CCDC47: variants seen among roughly 807,000 people sequenced by gnomAD.
The protein encoded by CCDC47 is PAT complex subunit CCDC47.
Under a neutral mutation model 60.5 loss-of-function variants are expected in CCDC47, and 41 were observed. The observed-to-expected ratio is 0.68, with a 90% confidence interval of 0.53 to 0.88. CCDC47 has a LOEUF of 0.88. CCDC47 is among the 40% of genes least tolerant of loss of function. CCDC47 has a pLI of 0.00. For missense variants in CCDC47, 513 were observed against 580.9 expected, an observed-to-expected ratio of 0.88 and a Z score of 1.20; for synonymous variants, 195 against 190.7, an observed-to-expected ratio of 1.02 and a Z score of -0.18.
At position 63,766,160 on chromosome 17, in the gene CCDC47, T is replaced by C. The variant is rs1437818643; in HGVS notation, c.16A>G (p.Thr6Ala). ...AACACCAGAAGGACAACACAGAAAG[T>C]GTGGAAGGCTTTCATTGCACCTTGA... MKAFH[T>A]FCVVLLVFGS... is the part of the protein sequence containing the mutation. The change falls in exon 2 of 13, where the codon ACT (threonine) becomes GCT (alanine). Residue 6 changes from threonine to alanine, a missense_variant. Transcript: ENST00000225726. The C allele has an allele frequency of 1.2e-6, 2 of 1,607,974 alleles. No individual in the cohort carries two copies. Among genetic ancestry groups the C allele is most frequent in the Admixed American group, 3.4e-5 (2 of 58,536 alleles).
Position 63,745,825 on chromosome 17 carries a change from G to A in CCDC47, c.*1056C>T, listed in dbSNP as rs1411486660. The A allele has an allele frequency of 6.6e-6, 1 of 152,222 alleles. No individual in the cohort carries two copies. The highest frequency in any genetic ancestry group is 6.5e-5 in the Admixed American group (1 of 15,278). The allele number at this position is 152,222 out of a possible 1,614,324, so 9.4% of individuals were successfully genotyped here. On this transcript the variant is annotated 3_prime_UTR_variant, in exon 13 of 13. Coordinates refer to ENST00000225726, the MANE Select transcript of CCDC47 (RefSeq NM_020198.3). The stretch of plus-strand genomic sequence containing the variant: ...AAGCTAAGTGCTCGTGCAGATACAT[G>A]GGCCTCTCCTCCAAGAGTTGGTTCC...
chr17:63,760,207 C>G (rs750018988), intron 6 of CCDC47, among the ~76,000 whole-genome samples: 3 of 151,976 alleles, frequency 2.0e-5, no homozygotes, highest in Non-Finnish European at 2.9e-5. Flanking sequence ...GGAGCTTATT[C>G]GGCCAGAAAC....
intron 6 of CCDC47, among the ~76,000 whole-genome samples, chr17:63,757,535 C>A (rs1209855623): frequency 1.3e-5 from 2 of 152,118 alleles, no homozygotes; most frequent in African/African-American, 4.8e-5. Context: ...AGGACCCACT[C>A]AATACATGCT....
chr17:63,769,983 C>T (rs1276817554), intron 1 of CCDC47, among the ~76,000 whole-genome samples: 2 of 131,130 alleles, frequency 1.5e-5, no homozygotes, highest in Non-Finnish European at 3.2e-5. Flanking sequence ...TTTTTTGAGG[C>T]AGAGTCTCAC....
intron 1 of CCDC47, among the ~76,000 whole-genome samples, chr17:63,768,975 T>G (rs2039316157): frequency 6.6e-6 from 1 of 151,872 alleles, no homozygotes. Flanking sequence ...TCCCAGCTAC[T>G]TGGGAGGCTG....
At chr17:63,747,713 A>T (rs1314969541) in intron 12 of CCDC47, 1 of 985,140 alleles carries the variant, frequency 1.0e-6, no homozygotes, top group Non-Finnish European at 1.2e-6. Context: ...GCTCAGAAAT[A>T]TACTCAACTG....
At chr17:63,769,083 CAA>C (rs531547773) in intron 1 of CCDC47, among the ~76,000 whole-genome samples, 43 of 94,510 alleles carry the variant, frequency 4.5e-4, no homozygotes, top group Admixed American at 3.5e-4. Flanking sequence ...GACTCTGTCT[CAA>C]AAAAAAAAAA....
chr17:63,761,022 T>C (rs763322421), intron 5 of CCDC47, 43 bp from the exon 6 acceptor site: 2 of 1,517,008 alleles, frequency 1.3e-6, no homozygotes, highest in East Asian at 4.5e-5. Context: ...CTGCAACTCC[T>C]ACTTAGTATA....
rs1000245500 is a variant in CCDC47 at position 63,762,293 on chromosome 17, A to AT, written c.548-943dup. ...TAGAAGGAGCCAAAGCTGCTCATTT[A>AT]TTTTTTTTCGAATTTCCTGGTCAAA... is the stretch of plus-strand genomic sequence containing the variant. On this transcript the variant is annotated intron_variant, in intron 4 of 12. Transcript: ENST00000225726. The AT allele has an allele frequency of 1.8e-5, 17 of 971,398 alleles. No individual in the cohort carries two copies. The African/African-American group carries it at 1.8e-4, about 10-fold the overall frequency. 60.2% of individuals were successfully genotyped at this position (971,398 alleles called of 1,614,324 possible).
chr17:63,761,093 C>T (rs1251650840), intron 5 of CCDC47, 114 bp from the exon 6 acceptor site: 13 of 1,392,060 alleles, frequency 9.3e-6, no homozygotes, highest in African/African-American at 1.4e-5. Flanking sequence ...ACACATTTGC[C>T]AGTTAGTATA....
chr17:63,770,985 CAA>C (rs760648451), intron 1 of CCDC47, among the ~76,000 whole-genome samples: 4 of 49,142 alleles, frequency 8.1e-5, no homozygotes. Flanking sequence ...GAGACTGTGT[CAA>C]AAAAAAAAAA....
chr17:63,750,986 C>T (rs1568245664), intron 12 of CCDC47, among the ~76,000 whole-genome samples: 1 of 151,828 alleles, frequency 6.6e-6, no homozygotes, highest in African/African-American at 2.4e-5. Flanking sequence ...GTAATCCTTC[C>T]ACTTCAGTCT....
intron 6 of CCDC47, 67 bp from the exon 7 acceptor site, chr17:63,756,637 T>C: frequency 1.8e-6 from 2 of 1,109,788 alleles, no homozygotes; most frequent in Middle Eastern, 2.0e-4. Context: ...GATTTCTAAA[T>C]GACCCTTAAG....
Position 63,764,824 on chromosome 17 carries a change from T to C in CCDC47, c.288A>G (p.Pro96=). Residue 96 remains proline (P), a synonymous_variant, in exon 3 of 13, where the codon CCA becomes CCG. Coordinates refer to ENST00000225726, the MANE Select transcript of CCDC47 (RefSeq NM_020198.3). ...AACCTTCAAATTCTTCATCATCATA[T>C]GGTTCACTCTCAGTATCTCCCTCCT... is the stretch of plus-strand genomic sequence containing the variant. ...DTQEGDTESE[P]YDDEEFEGYE... 6.2e-7 allele frequency: 1 copy of C among 1,613,278 alleles called. No individual in the cohort carries two copies. The highest frequency in any genetic ancestry group is 8.5e-7 in the Non-Finnish European group (1 of 1,179,780).
intron 2 of CCDC47, 177 bp from the exon 3 acceptor site, chr17:63,765,024 G>A: frequency 1.0e-6 from 1 of 952,792 alleles, no homozygotes; most frequent in Non-Finnish European, 1.2e-6. Context: ...AAATGAGAAA[G>A]TTCTGAAGAC....
chr17:63,753,806 TA>T (rs997442862), intron 9 of CCDC47: 28 of 172,268 alleles, frequency 1.6e-4, no homozygotes, highest in South Asian at 7.8e-4. Context: ...ATTATTATCA[TA>T]AAAAAAAAGA....
At chr17:63,749,015 GA>G (rs796080522) in intron 12 of CCDC47, among the ~76,000 whole-genome samples, 3,637 of 73,372 alleles carry the variant, frequency 0.05, 69 homozygotes, top group African/African-American at 0.11. Context: ...TTGTCTCAAA[GA>G]AAAAAAAAAA....
rs1568253194 is a variant in CCDC47, at chr17:63,771,041, G to GA, written c.-20+2370dup. ...GGAAGGAAGGAAGGAAGGAAGGAAG[G>GA]AAGGAAGAAAGAAAGAAAGAAATTA... On this transcript the variant is annotated intron_variant, in intron 1 of 12. Transcript: ENST00000225726. 4.5e-3 allele frequency among the ~76,000 whole-genome samples: 144 copies of GA among 31,682 alleles called. 1 individual carries two copies. Among genetic ancestry groups the GA allele is most frequent in the Admixed American group, 7.4e-3 (23 of 3,124 alleles). The allele number at this position is 31,682 out of a possible 152,430, so 20.8% of individuals were successfully genotyped here. A position where few individuals can be genotyped will look rare whatever the true frequency, so the allele number is the denominator to read the frequency against.
In CCDC47 at chr17:63,766,059, G is replaced by T; in HGVS notation, c.117C>A (p.Phe39Leu). 6.2e-7 allele frequency: 1 copy of T among 1,613,924 alleles called. No homozygotes were observed. The highest frequency in any genetic ancestry group is 8.5e-7 in the Non-Finnish European group (1 of 1,179,978). ...CTTCCATGACATCCTCAAATTCAGC[G>T]AAGTCATTATCATCATACTCTACTA... ...EDIVEYDDND[F>L]AEFEDVMEDS... Residue 39 changes from phenylalanine to leucine, a missense_variant, in exon 2 of 13, where the codon TTC becomes TTA. Coordinates refer to ENST00000225726, the MANE Select transcript of CCDC47 (RefSeq NM_020198.3).
Sources: gnomAD v4.1 joint callset for allele counts (sites outside exome capture counted in the v4.1 genomes callset) on GRCh38, gnomAD v4.1.1 for gene constraint, MANE v1.5 for transcripts, NCBI Gene and HGNC (gene_info 2026-07-23, HGNC 2026-07-21) for gene names.